Variants in RAP1GAP2 observed in about 807,000 individuals in gnomAD.
RAP1GAP2 encodes RAP1 GTPase activating protein 2.
Under a neutral mutation model 95.0 loss-of-function variants are expected in RAP1GAP2, and 27 were observed. The observed-to-expected ratio is 0.28, with a 90% confidence interval of 0.21 to 0.39. RAP1GAP2 has a LOEUF of 0.39. Among genes scored for constraint, RAP1GAP2 ranks in the 10% least tolerant of loss-of-function variants. The probability of loss-of-function intolerance (pLI) is 1.00; values close to 1 mark genes in which losing one functional copy is unlikely to be tolerated. For missense variants in RAP1GAP2, 771 were observed against 970.0 expected (o/e 0.79, Z 2.72); for synonymous variants, 373 against 380.9 (o/e 0.98, Z 0.24).
chr17:2,912,593 A>G (rs908266822), intron 3 of RAP1GAP2, among the ~76,000 whole-genome samples: 5 of 152,240 alleles, frequency 3.3e-5, no homozygotes, highest in East Asian at 1.9e-4. Context: ...AACCCTGTGT[A>G]GGGACAGGAG....
chr17:2,781,134 G>C (rs1316931587), intron 1 of RAP1GAP2, among the ~76,000 whole-genome samples: 1 of 152,222 alleles, frequency 6.6e-6, no homozygotes, highest in African/African-American at 2.4e-5. Flanking sequence ...GACTTTTGCA[G>C]CTTGCTCTCA....
At chr17:2,951,357 G>A (rs1296243882) in intron 3 of RAP1GAP2, among the ~76,000 whole-genome samples, 1 of 152,186 alleles carries the variant, frequency 6.6e-6, no homozygotes, top group Admixed American at 6.5e-5. Flanking sequence ...CTTGTGTCTT[G>A]CAAAAAGCCT....
intron 3 of RAP1GAP2, among the ~76,000 whole-genome samples, chr17:2,920,660 G>A (rs572612015): frequency 1.3e-3 from 198 of 152,368 alleles, no homozygotes; most frequent in African/African-American, 4.3e-3. Context: ...GAAGCAGGCG[G>A]ACGAGGGCTT....
chr17:2,770,902 G>A (rs545260797), intron 2 of RAP1GAP2, among the ~76,000 whole-genome samples: 1 of 152,118 alleles, frequency 6.6e-6, no homozygotes, highest in African/African-American at 2.4e-5. Flanking sequence ...TTAGCTGAGC[G>A]TGGTGGCACA....
chr17:2,852,367 T>C (rs1381073152), intron 2 of RAP1GAP2, among the ~76,000 whole-genome samples: 1 of 151,804 alleles, frequency 6.6e-6, no homozygotes, highest in African/African-American at 2.4e-5. Flanking sequence ...ACAAGGCCAG[T>C]GGTAACGGCT....
At chr17:2,773,604 G>A (rs1221963732), upstream of RAP1GAP2, among the ~76,000 whole-genome samples, 1 of 152,108 alleles carries the variant, frequency 6.6e-6, no homozygotes, top group African/African-American at 2.4e-5. Context: ...TACCATTCCA[G>A]CAAGCAAGAT....
At chr17:2,986,551 T>TG (rs2045565836) in intron 11 of RAP1GAP2, among the ~76,000 whole-genome samples, 1 of 151,950 alleles carries the variant, frequency 6.6e-6, no homozygotes, top group African/African-American at 2.4e-5. Flanking sequence ...TTTTTTTTTT[T>TG]TTTTTTAAGA....
intron 2 of RAP1GAP2, among the ~76,000 whole-genome samples, chr17:2,901,326 G>A (rs1253932839): frequency 3.3e-5 from 5 of 152,170 alleles, no homozygotes; most frequent in African/African-American, 1.2e-4. Context: ...TCTTTGAACT[G>A]AGTATGTAAT....
At chr17:2,890,561 G>C (rs2073674368) in intron 2 of RAP1GAP2, among the ~76,000 whole-genome samples, 1 of 152,094 alleles carries the variant, frequency 6.6e-6, no homozygotes, top group African/African-American at 2.4e-5. Flanking sequence ...GCTGGGCACT[G>C]TGAGACGGGG....
chr17:2,891,581 GC>G (rs2073718277), intron 2 of RAP1GAP2, among the ~76,000 whole-genome samples: 1 of 150,112 alleles, frequency 6.7e-6, no homozygotes, highest in South Asian at 2.1e-4. Context: ...CACTTCCAGA[GC>G]CCCCCCATCC....
chr17:2,782,790 T>A (rs1377334144), intron 1 of RAP1GAP2, among the ~76,000 whole-genome samples: 1 of 151,810 alleles, frequency 6.6e-6, no homozygotes, highest in East Asian at 1.9e-4. Context: ...CCAAGGTGAG[T>A]GGATCATCTG....
At chr17:3,030,587 C>A (rs1385150231) in intron 22 of RAP1GAP2, among the ~76,000 whole-genome samples, 2 of 152,074 alleles carry the variant, frequency 1.3e-5, no homozygotes, top group African/African-American at 4.8e-5. Context: ...CACATGGATA[C>A]AATAGACGTA....
chr17:2,760,323 A>G (rs2071220224), intron 1 of RAP1GAP2, among the ~76,000 whole-genome samples: 1 of 151,086 alleles, frequency 6.6e-6, no homozygotes, highest in South Asian at 2.1e-4. Flanking sequence ...AGAAAAGAAA[A>G]AAGAAAAATG....
At position 2,871,011 on chromosome 17, in the gene RAP1GAP2, A is replaced by G. The variant is rs4060869; in HGVS notation, c.81-34273A>G. On this transcript the variant is annotated intron_variant, in intron 2 of 24. Coordinates refer to ENST00000254695, the MANE Select transcript of RAP1GAP2 (RefSeq NM_015085.5). The surrounding 1 kb of genome is among the most constrained non-coding windows in gnomAD (Gnocchi z 5.0). ...ACTCTTGTCACCCAGGCTGGAGTGC[A>G]GTGGTGCGATCTTGGCTTACTGCAA... Among the ~76,000 whole-genome samples the G allele has an allele frequency of 2.0e-5, 3 of 152,180 alleles. No homozygotes were observed. The highest frequency in any genetic ancestry group is 7.2e-5 in the African/African-American group (3 of 41,452).
chr17:2,806,587 G>A (rs2069531343), intron 2 of RAP1GAP2, among the ~76,000 whole-genome samples: 1 of 151,104 alleles, frequency 6.6e-6, no homozygotes, highest in Non-Finnish European at 1.5e-5. Flanking sequence ...AGTAGAGGCG[G>A]GGTTTCGCTG....
chr17:2,948,853 C>T (rs549088263), intron 3 of RAP1GAP2, among the ~76,000 whole-genome samples: 11 of 152,304 alleles, frequency 7.2e-5, no homozygotes, highest in South Asian at 4.1e-4. Flanking sequence ...TGGACTCACA[C>T]GAGTGCCATC....
intron 2 of RAP1GAP2, among the ~76,000 whole-genome samples, chr17:2,836,563 C>T (rs968857624): frequency 1.3e-5 from 2 of 151,992 alleles, no homozygotes; most frequent in Non-Finnish European, 2.9e-5. Flanking sequence ...ACCTGGGAGG[C>T]GGAGGTTGCA....
At position 3,005,548 on chromosome 17, in the gene RAP1GAP2, C is replaced by A; in HGVS notation, c.1272+108C>A. On this transcript the variant is annotated intron_variant, in intron 15 of 24. Coordinates refer to ENST00000254695, the MANE Select transcript of RAP1GAP2 (RefSeq NM_015085.5). The surrounding 1 kb of genome is among the most constrained non-coding windows in gnomAD (Gnocchi z 5.2). ...AATTCAGGCTGGGAACATTAGGGAG[C>A]TCCTTTTGCAGGTTTTGGGGGGAAC... 2 of 1,298,574 alleles carry A rather than the reference C, an allele frequency of 1.5e-6. No homozygotes were observed. The highest frequency in any genetic ancestry group is 2.2e-6 in the Non-Finnish European group (2 of 894,152). The allele number at this position is 1,298,574 out of a possible 1,614,324, so 80.4% of individuals were successfully genotyped here. A position where few individuals can be genotyped will look rare whatever the true frequency, so the allele number is the denominator to read the frequency against.
At chr17:2,931,142 A>G (rs112578990) in intron 3 of RAP1GAP2, among the ~76,000 whole-genome samples, 13,527 of 143,798 alleles carry the variant, frequency 0.094, 803 homozygotes, top group Middle Eastern at 0.14. Context: ...AAAAAAAAAA[A>G]AAGAAGAAGA....
Sources: gnomAD v4.1 joint callset for allele counts (sites outside exome capture counted in the v4.1 genomes callset) on GRCh38, gnomAD v4.1.1 for gene constraint, Gnocchi (gnomAD v3.1) non-coding constraint, MANE v1.5 for transcripts, NCBI Gene and HGNC (gene_info 2026-07-23, HGNC 2026-07-21) for gene names.